Variants in BCAS3 observed in about 807,000 individuals in gnomAD.
BCAS3 encodes BCAS4/BCAS3 fusion.
In BCAS3, 53 loss-of-function variants were observed where a neutral mutation model predicts 116.1. The ratio of observed to expected loss-of-function variants is 0.46; its 90% confidence interval spans 0.37 to 0.57. The LOEUF (loss-of-function observed/expected upper bound fraction) is 0.57, where lower values mean the gene tolerates loss of function less well. Among genes scored for constraint, BCAS3 ranks in the 20% least tolerant of loss-of-function variants. BCAS3 has a pLI of 0.00. For missense variants in BCAS3, 917 were observed against 1,165.4 expected (o/e 0.79, Z 3.10); for synonymous variants, 391 against 408.2 (o/e 0.96, Z 0.51).
At chr17:60,952,273 A>G (rs1273394770) in intron 14 of BCAS3, among the ~76,000 whole-genome samples, 1 of 152,052 alleles carries the variant, frequency 6.6e-6, no homozygotes, top group Non-Finnish European at 1.5e-5. Context: ...TTCTCAGGCT[A>G]AACTGGGAAG....
At chr17:60,765,366 G>A (rs2043985346) in intron 6 of BCAS3, among the ~76,000 whole-genome samples, 1 of 152,164 alleles carries the variant, frequency 6.6e-6, no homozygotes, top group African/African-American at 2.4e-5. Context: ...TCCTTCAGGA[G>A]CTCTTGTAAG....
At chr17:61,194,397 G>A (rs1324087090) in intron 22 of BCAS3, among the ~76,000 whole-genome samples, 1 of 152,082 alleles carries the variant, frequency 6.6e-6, no homozygotes, top group African/African-American at 2.4e-5. Flanking sequence ...GAAATTATGA[G>A]CTGCCTTTAA....
chr17:60,752,155 G>GGTGTGTGTGTGTGT (rs55713453), intron 6 of BCAS3, among the ~76,000 whole-genome samples: 1 of 144,678 alleles, frequency 6.9e-6, no homozygotes, highest in African/African-American at 2.5e-5. Flanking sequence ...TTGGCTGAAG[G>GGTGTGTGTGTGTGT]GTGTGTGTGT....
chr17:60,760,671 A>G (rs2043442035), intron 6 of BCAS3, among the ~76,000 whole-genome samples: 2 of 152,026 alleles, frequency 1.3e-5, no homozygotes, highest in African/African-American at 4.8e-5. Context: ...TAGTTTGACT[A>G]TAAAGTGCCG....
rs1468862105 is a variant in BCAS3, at chr17:61,366,606, A to G, written c.2426-1721A>G. Reference sequence around the variant, plus strand: ...ACCCAGCCGTGCACCCCCATTTTCCAGAGCCTAGCTTACCAGATCTACAGC... The same window carrying G: ...ACCCAGCCGTGCACCCCCATTTTCCGGAGCCTAGCTTACCAGATCTACAGC... On this transcript the variant is annotated intron_variant, in intron 22 of 23. Coordinates refer to ENST00000407086, the MANE Select transcript of BCAS3 (RefSeq NM_017679.5). This position sits in a 1 kb window ranked among gnomAD's most constrained non-coding sequence, Gnocchi z 4.5. Among the ~76,000 whole-genome samples, 1 of 152,202 alleles carries G rather than the reference A, an allele frequency of 6.6e-6. No homozygotes were observed. The highest frequency in any genetic ancestry group is 1.5e-5 in the Non-Finnish European group (1 of 68,042).
chr17:60,696,859 C>T (rs2143905456), intron 4 of BCAS3, among the ~76,000 whole-genome samples: 1 of 152,248 alleles, frequency 6.6e-6, no homozygotes, highest in Non-Finnish European at 1.5e-5. Flanking sequence ...TTATTTTCTG[C>T]CCCTATCATT....
intron 5 of BCAS3, among the ~76,000 whole-genome samples, chr17:60,746,576 A>G (rs1465961936): frequency 6.6e-6 from 1 of 152,112 alleles, no homozygotes; most frequent in Non-Finnish European, 1.5e-5. Context: ...ATGACTTTTA[A>G]AAGTTGTATA....
chr17:61,265,659 A>C lies in BCAS3; in HGVS notation c.2426-102668A>C, dbSNP rs1164734996. Among the ~76,000 whole-genome samples, 1 of 150,720 alleles carries C rather than the reference A, an allele frequency of 6.6e-6. No homozygotes were observed. The highest frequency in any genetic ancestry group is 2.4e-5 in the African/African-American group (1 of 41,042). ...AGCAAGCTCACTTGATAAAGAAATG[A>C]ATTTCAGGATTTAACTATGTAACAC... On this transcript the variant is annotated intron_variant, in intron 22 of 23. Coordinates refer to ENST00000407086, the MANE Select transcript of BCAS3 (RefSeq NM_017679.5). This position sits in a 1 kb window ranked among gnomAD's most constrained non-coding sequence, Gnocchi z 4.3.
At position 61,208,722 on chromosome 17, in the gene BCAS3, A is replaced by T. The variant is rs1338505517; in HGVS notation, c.2425+124158A>T. ...TGTTCCCAAACAGAATTAGAAGGAAAAGGTCTGCTTAGCTGTCTTTTCCTG... is the reference window on the plus strand; with the variant it reads ...TGTTCCCAAACAGAATTAGAAGGAATAGGTCTGCTTAGCTGTCTTTTCCTG... On this transcript the variant is annotated intron_variant, in intron 22 of 23. Coordinates refer to ENST00000407086, the MANE Select transcript of BCAS3 (RefSeq NM_017679.5). This position sits in a 1 kb window ranked among gnomAD's most constrained non-coding sequence, Gnocchi z 4.5. 6.6e-6 allele frequency among the ~76,000 whole-genome samples: 1 copy of T among 152,140 alleles called. No individual in the cohort carries two copies. Among genetic ancestry groups the T allele is most frequent in the Non-Finnish European group, 1.5e-5 (1 of 68,020 alleles).
At chr17:61,385,067 T>C (rs2059780005) in intron 23 of BCAS3, among the ~76,000 whole-genome samples, 2 of 152,304 alleles carry the variant, frequency 1.3e-5, no homozygotes, top group Admixed American at 1.3e-4. Flanking sequence ...GTGTGGTCTC[T>C]GACAAGGCTG....
intron 6 of BCAS3, among the ~76,000 whole-genome samples, chr17:60,799,524 GTTTT>G (rs869112996): frequency 9.8e-6 from 1 of 102,382 alleles, no homozygotes; most frequent in Non-Finnish European, 2.0e-5. Context: ...ATTAGTGTTT[GTTTT>G]TTTTTTTTTT....
intron 22 of BCAS3, among the ~76,000 whole-genome samples, chr17:61,096,752 A>T (rs566766559): frequency 1.2e-4 from 19 of 152,330 alleles, no homozygotes; most frequent in African/African-American, 4.6e-4. Flanking sequence ...AGAAATGATG[A>T]TATTGAATAT....
In BCAS3 at chr17:61,018,056, T is replaced by G. The variant is rs1380157194; in HGVS notation, c.1637+2155T>G. ...TATGTGCTTTGAAACAAATGTTAGT[T>G]AAGATACTTGTATCATATTGTTTAC... is the stretch of plus-strand genomic sequence containing the variant. On this transcript the variant is annotated intron_variant, in intron 16 of 23. Coordinates refer to ENST00000407086, the MANE Select transcript of BCAS3 (RefSeq NM_017679.5). Among the ~76,000 whole-genome samples the G allele has an allele frequency of 2.0e-5, 3 of 152,198 alleles. No homozygotes were observed. The East Asian group carries it at 5.8e-4, about 29-fold the overall frequency.
In BCAS3 at chr17:60,964,089, G is replaced by A. The variant is rs77850786; in HGVS notation, c.1221+16737G>A. Among the ~76,000 whole-genome samples the A allele has an allele frequency of 1.6e-3, 251 of 152,274 alleles. No individual in the cohort carries two copies. The highest frequency in any genetic ancestry group is 5.9e-3 in the African/African-American group (244 of 41,552). ...GTATTATGTTGAGTAACCGTAGTGA[G>A]AGTGGACATACTCGTCTTGTTCCAG... is the stretch of plus-strand genomic sequence containing the variant. On this transcript the variant is annotated intron_variant, in intron 14 of 23. Coordinates refer to ENST00000407086, the MANE Select transcript of BCAS3 (RefSeq NM_017679.5). This position sits in a 1 kb window ranked among gnomAD's most constrained non-coding sequence, Gnocchi z 4.6.
chr17:61,146,798 G>A (rs183541601), intron 22 of BCAS3, among the ~76,000 whole-genome samples: 1 of 152,216 alleles, frequency 6.6e-6, no homozygotes, highest in East Asian at 1.9e-4. Flanking sequence ...TGAGTAAAAT[G>A]TTATGCAAAT....
rs1054816963 is a variant in BCAS3, at chr17:60,993,599, A to G, written c.1486+3364A>G. On this transcript the variant is annotated intron_variant, in intron 15 of 23. Coordinates refer to ENST00000407086, the MANE Select transcript of BCAS3 (RefSeq NM_017679.5). This position sits in a 1 kb window ranked among gnomAD's most constrained non-coding sequence, Gnocchi z 4.2. ...TTTTCTTCATGTTTTTTTGTATCTT[A>G]CATGTCATAACAAAATGGGCATTGT... is the stretch of plus-strand genomic sequence containing the variant. Among the ~76,000 whole-genome samples, 2 of 152,152 alleles carry G rather than the reference A, an allele frequency of 1.3e-5. No individual in the cohort carries two copies. Among genetic ancestry groups the G allele is most frequent in the Non-Finnish European group, 2.9e-5 (2 of 67,998 alleles).
intron 6 of BCAS3, among the ~76,000 whole-genome samples, chr17:60,767,133 C>T (rs536630673): frequency 6.6e-6 from 1 of 152,294 alleles, no homozygotes; most frequent in African/African-American, 2.4e-5. Context: ...GAAAAATCCC[C>T]CGACCCTTTG....
At chr17:60,790,824 G>T (rs981378358) in intron 6 of BCAS3, among the ~76,000 whole-genome samples, 1 of 143,838 alleles carries the variant, frequency 7.0e-6, no homozygotes, top group South Asian at 2.2e-4. Context: ...GCTCACTGCA[G>T]CCTCTGCCTC....
rs78962374 is a variant in BCAS3, at chr17:60,934,495, G to A, written c.1087+9995G>A. On this transcript the variant is annotated intron_variant, in intron 13 of 23. Transcript: ENST00000407086. ...TTTAATTTTGCAAAAGGTAAAGAAG[G>A]ATCTGTATAGTCAGGTACATACATG... Among the ~76,000 whole-genome samples, 522 of 152,226 alleles carry A rather than the reference G, an allele frequency of 3.4e-3. 12 individuals carry two copies. In the East Asian group the frequency reaches 0.074, roughly 22 times the overall value.
Sources: gnomAD v4.1 joint callset for allele counts (sites outside exome capture counted in the v4.1 genomes callset) on GRCh38, gnomAD v4.1.1 for gene constraint, Gnocchi (gnomAD v3.1) non-coding constraint, MANE v1.5 for transcripts, NCBI Gene and HGNC (gene_info 2026-07-23, HGNC 2026-07-21) for gene names.